Variants in MYH10 observed in about 807,000 individuals in gnomAD.
The protein encoded by MYH10 is myosin heavy chain 10.
MYH10 carries 55 observed loss-of-function variants against 257.8 expected under a neutral mutation model. That is an observed-to-expected ratio of 0.21 (90% confidence interval 0.17 to 0.27). The LOEUF (loss-of-function observed/expected upper bound fraction) is 0.27, where lower values mean the gene tolerates loss of function less well. Among genes scored for constraint, MYH10 ranks in the 10% least tolerant of loss-of-function variants. The pLI, the probability that MYH10 is intolerant of heterozygous loss-of-function variation, is 1.00. For missense variants in MYH10, 1,631 were observed against 2,500.6 expected (o/e 0.65, Z 7.42); for synonymous variants, 854 against 921.7 (o/e 0.93, Z 1.33).
chr17:8,484,326 A>AT (rs1412657280), intron 36 of MYH10, 60 bp from the exon 37 acceptor site: 3 of 1,537,210 alleles, frequency 2.0e-6, no homozygotes, highest in South Asian at 1.2e-5. Flanking sequence ...TTAAAATAAA[A>AT]TTTTTTTAGA....
chr17:8,537,947 C>A (rs1597772664), intron 14 of MYH10, among the ~76,000 whole-genome samples: 1 of 152,214 alleles, frequency 6.6e-6, no homozygotes, highest in Admixed American at 6.5e-5. Flanking sequence ...AACTCAGAGG[C>A]TTGCCTGCCA....
In MYH10 at chr17:8,504,121, C is replaced by T. The variant is rs1171621923; in HGVS notation, c.3599+573G>A. Among the ~76,000 whole-genome samples the T allele has an allele frequency of 6.6e-6, 1 of 152,230 alleles. No individual in the cohort carries two copies. The highest frequency in any genetic ancestry group is 2.4e-5 in the African/African-American group (1 of 41,462). On this transcript the variant is annotated intron_variant, in intron 28 of 42. Coordinates refer to ENST00000360416, the MANE Select transcript of MYH10 (RefSeq NM_001256012.3). The surrounding 1 kb of genome is among the most constrained non-coding windows in gnomAD (Gnocchi z 5.6). The stretch of plus-strand genomic sequence containing the variant: ...CCCAGGAGCCTTCTCTGGCCATGTT[C>T]ACCTATGCTCGTCACTTTTTTCATG...
rs926110909 is a variant in MYH10, at chr17:8,527,545, C to A, written c.1957+3078G>T. On this transcript the variant is annotated intron_variant, in intron 17 of 42. Coordinates refer to ENST00000360416, the MANE Select transcript of MYH10 (RefSeq NM_001256012.3). ...ACGGCCTATCAGCTGTACCTTGGGACACTATGAGCGATACTAGACTTATGT... is the reference window on the plus strand; with the variant it reads ...ACGGCCTATCAGCTGTACCTTGGGAAACTATGAGCGATACTAGACTTATGT... Among the ~76,000 whole-genome samples the A allele has an allele frequency of 2.0e-5, 3 of 152,290 alleles. No homozygotes were observed. In the East Asian group the frequency reaches 5.8e-4, roughly 29 times the overall value.
chr17:8,506,577 A>G lies in MYH10; in HGVS notation c.3215-88T>C. 7.2e-7 allele frequency: 1 copy of G among 1,395,722 alleles called. No individual in the cohort carries two copies. The highest frequency in any genetic ancestry group is 9.8e-7 in the Non-Finnish European group (1 of 1,015,870). The allele number at this position is 1,395,722 out of a possible 1,614,324, so 86.5% of individuals were successfully genotyped here. ...AAATACAGACTGATCCAAGTTGAAAATAAGCCATTTTATTCAAAAGCATGT... is the reference window on the plus strand; with the variant it reads ...AAATACAGACTGATCCAAGTTGAAAGTAAGCCATTTTATTCAAAAGCATGT... On this transcript the variant is annotated intron_variant, in intron 26 of 42. Transcript: ENST00000360416. The surrounding 1 kb of genome is among the most constrained non-coding windows in gnomAD (Gnocchi z 5.0).
At chr17:8,515,953 A>G (rs2081455591) in intron 21 of MYH10, among the ~76,000 whole-genome samples, 2 of 152,238 alleles carry the variant, frequency 1.3e-5, no homozygotes. Context: ...AATCTCCTTC[A>G]GGAATGCTGT....
chr17:8,520,668 T>C (rs1330496688), intron 19 of MYH10, among the ~76,000 whole-genome samples: 1 of 152,130 alleles, frequency 6.6e-6, no homozygotes, highest in Non-Finnish European at 1.5e-5. Context: ...CCTAGCACAC[T>C]CCCTTTTTAT....
chr17:8,475,900 C>T lies in MYH10; in HGVS notation c.5928G>A (p.Gln1976=), dbSNP rs754050145. ...CCAGGGAAGCTCCTTCAAGGTGCAG[C>T]TGGCGCCGGCCAGATCGGCTGGAAG... The part of the protein sequence containing the change: ...SFSSSRSGRR[Q]LHLEGASLEL... Residue 1976 remains glutamine, a synonymous_variant, in exon 43 of 43, where the codon CAG becomes CAA. Transcript: ENST00000360416. 16 of 1,614,080 alleles carry T rather than the reference C, an allele frequency of 9.9e-6. No homozygotes were observed. The East Asian group carries it at 3.6e-4, about 36-fold the overall frequency.
At chr17:8,619,236 C>A (rs2085376954) in intron 2 of MYH10, among the ~76,000 whole-genome samples, 1 of 152,170 alleles carries the variant, frequency 6.6e-6, no homozygotes. Context: ...CAAGGACATT[C>A]TTGAGTGAAA....
chr17:8,548,041 G>T (rs941086083), intron 11 of MYH10, among the ~76,000 whole-genome samples: 2 of 151,998 alleles, frequency 1.3e-5, no homozygotes, highest in African/African-American at 4.8e-5. Flanking sequence ...AGGTAAGTGT[G>T]TGACCTCCTG....
rs1173521406 is a variant in MYH10, at chr17:8,481,311, G to C, written c.5264+11C>G. ...GGGCGAAGAACCCACCCCCGGCCGT[G>C]GGAGACTCACTTGCCAGAGGCGCTG... On this transcript the variant is annotated intron_variant, in intron 38 of 42. Transcript: ENST00000360416. The C allele has an allele frequency of 6.2e-7, 1 of 1,613,278 alleles. No homozygotes were observed. Among genetic ancestry groups the C allele is most frequent in the Non-Finnish European group, 8.5e-7 (1 of 1,179,770 alleles).
Position 8,480,105 on chromosome 17 carries a change from C to T in MYH10, c.5597+5G>A. ...TTTTGGTTTACGGTAGCAAAAACCT[C>T]TTACTTGGCTTCCTGCTCAAGCTGC... On this transcript the variant is annotated splice_donor_5th_base_variant and intron_variant, in intron 40 of 42. Coordinates refer to ENST00000360416, the MANE Select transcript of MYH10 (RefSeq NM_001256012.3). 6.2e-7 allele frequency: 1 copy of T among 1,613,868 alleles called. No homozygotes were observed. Among genetic ancestry groups the T allele is most frequent in the Non-Finnish European group, 8.5e-7 (1 of 1,179,900 alleles).
intron 1 of MYH10, among the ~76,000 whole-genome samples, chr17:8,623,655 T>C (rs1180490698): frequency 2.0e-5 from 3 of 149,076 alleles, no homozygotes; most frequent in African/African-American, 7.4e-5. Context: ...AAAAGGTTCA[T>C]GAAGTGGTAC....
intron 40 of MYH10, among the ~76,000 whole-genome samples, chr17:8,479,737 A>G (rs895758585): frequency 1.3e-5 from 2 of 152,224 alleles, no homozygotes; most frequent in African/African-American, 2.4e-5. Flanking sequence ...AATCCCTTCT[A>G]TGGGGAGAAG....
chr17:8,628,150 C>T (rs538754375), intron 1 of MYH10, among the ~76,000 whole-genome samples: 1 of 152,202 alleles, frequency 6.6e-6, no homozygotes, highest in African/African-American at 2.4e-5. Context: ...GAAAAAGATA[C>T]CCATAACTTA....
At chr17:8,542,511 C>T (rs1214827449) in intron 13 of MYH10, among the ~76,000 whole-genome samples, 2 of 152,146 alleles carry the variant, frequency 1.3e-5, no homozygotes, top group Non-Finnish European at 2.9e-5. Context: ...CTGTCTATGG[C>T]TGCATTACTG....
intron 30 of MYH10, among the ~76,000 whole-genome samples, chr17:8,496,117 T>C (rs1916584424): frequency 6.6e-6 from 1 of 152,240 alleles, no homozygotes; most frequent in Non-Finnish European, 1.5e-5. Flanking sequence ...TCGCAATTAA[T>C]GATATTTCTA....
At chr17:8,622,561 C>T (rs62062532) in intron 2 of MYH10, among the ~76,000 whole-genome samples, 7,358 of 152,304 alleles carry the variant, frequency 0.048, 243 homozygotes, top group South Asian at 0.091. Context: ...TTGCTGTCTG[C>T]GTCCAATTAA....
rs2081556578 is a variant in MYH10, at chr17:8,518,747, C to G, written c.2388G>C (p.Gln796His). 6.2e-7 allele frequency: 1 copy of G among 1,613,966 alleles called. No individual in the cohort carries two copies. Among genetic ancestry groups the G allele is most frequent in the South Asian group, 1.1e-5 (1 of 91,056 alleles). Residue 796 changes from glutamine (Q) to histidine (H), a missense_variant, in exon 21 of 43, where the codon CAG (glutamine) becomes CAC (histidine). Transcript: ENST00000360416. ...ELDPNLYRIG[Q>H]SKIFFRAGVL... ...CTCCAGCTCTGAAAAATATCTTGCTCTGTCCAATTCTGTACAAGTTTGGGT... is the reference window on the plus strand; with the variant it reads ...CTCCAGCTCTGAAAAATATCTTGCTGTGTCCAATTCTGTACAAGTTTGGGT...
chr17:8,482,146 A>G (rs906053497), intron 37 of MYH10, among the ~76,000 whole-genome samples: 1 of 152,238 alleles, frequency 6.6e-6, no homozygotes, highest in Non-Finnish European at 1.5e-5. Flanking sequence ...AAATGAGGAA[A>G]CTGAGGCCCA....
Sources: gnomAD v4.1 joint callset for allele counts (sites outside exome capture counted in the v4.1 genomes callset) on GRCh38, gnomAD v4.1.1 for gene constraint, Gnocchi (gnomAD v3.1) non-coding constraint, MANE v1.5 for transcripts, NCBI Gene and HGNC (gene_info 2026-07-23, HGNC 2026-07-21) for gene names.